The following CFDP1 variants were observed in gnomAD, a reference collection of about 807,000 sequenced individuals.
The protein encoded by CFDP1 is chromatin remodeling protein CFDP1.
In CFDP1, 31 loss-of-function variants were observed where a neutral mutation model predicts 40.1. The ratio of observed to expected loss-of-function variants is 0.77; its 90% confidence interval spans 0.58 to 1.04. The LOEUF (loss-of-function observed/expected upper bound fraction) is 1.04, where lower values mean the gene tolerates loss of function less well. CFDP1 is among the 50% of genes least tolerant of loss of function. The pLI, the probability that CFDP1 is intolerant of heterozygous loss-of-function variation, is 0.00. For missense variants in CFDP1, 423 were observed against 343.4 expected, an observed-to-expected ratio of 1.23 and a Z score of -1.83; for synonymous variants, 167 against 120.0, an observed-to-expected ratio of 1.39 and a Z score of -2.56.
intron 4 of CFDP1, among the ~76,000 whole-genome samples, chr16:75,400,122 G>GAAAAA (rs527926481): frequency 9.2e-5 from 13 of 141,908 alleles, no homozygotes; most frequent in African/African-American, 3.2e-4. Context: ...AAAAAAAAAG[G>GAAAAA]AAAAAAAAAA....
At chr16:75,422,453 G>C (rs186421773) in intron 1 of CFDP1, among the ~76,000 whole-genome samples, 1 of 146,348 alleles carries the variant, frequency 6.8e-6, no homozygotes, top group African/African-American at 2.6e-5. Context: ...AAGCTAGAGT[G>C]CAGTGGCATG....
chr16:75,394,001 G>C (rs1296102907), intron 5 of CFDP1, among the ~76,000 whole-genome samples: 2 of 152,038 alleles, frequency 1.3e-5, no homozygotes, highest in African/African-American at 4.8e-5. Flanking sequence ...CTTGCAGTGA[G>C]CCGAGATTGC....
At chr16:75,316,712 G>C (rs1205387513) in intron 5 of CFDP1, among the ~76,000 whole-genome samples, 1 of 151,992 alleles carries the variant, frequency 6.6e-6, no homozygotes, top group African/African-American at 2.4e-5. Flanking sequence ...GCTCACGCCT[G>C]TAATCCTAGC....
At chr16:75,383,057 G>C (rs964471945) in intron 5 of CFDP1, among the ~76,000 whole-genome samples, 1 of 152,204 alleles carries the variant, frequency 6.6e-6, no homozygotes, top group Non-Finnish European at 1.5e-5. Context: ...TAGGTCTAAA[G>C]ATGAATGTTT....
At position 75,412,521 on chromosome 16, in the gene CFDP1, A is replaced by G; in HGVS notation, c.402+14T>C. 2 of 1,601,614 alleles carry G rather than the reference A, an allele frequency of 1.2e-6. No homozygotes were observed. The highest frequency in any genetic ancestry group is 1.7e-6 in the Non-Finnish European group (2 of 1,168,584). ...TTCTGGAGAGGCATTCACCTCACTA[A>G]TGTCTCAACTTACCTTAACTTGTGT... On this transcript the variant is annotated intron_variant, in intron 3 of 6. Transcript: ENST00000283882.
At chr16:75,336,438 G>A (rs764609461) in intron 5 of CFDP1, among the ~76,000 whole-genome samples, 24 of 152,222 alleles carry the variant, frequency 1.6e-4, no homozygotes, top group Non-Finnish European at 2.6e-4. Context: ...AACGGGCAGT[G>A]ATCCTGAGCA....
At chr16:75,382,517 C>G (rs1285420877) in intron 5 of CFDP1, among the ~76,000 whole-genome samples, 1 of 152,178 alleles carries the variant, frequency 6.6e-6, no homozygotes, top group Non-Finnish European at 1.5e-5. Context: ...GCTGGTTTCA[C>G]CACCTCAAGA....
chr16:75,303,404 T>TAA (rs1567639342), intron 6 of CFDP1, among the ~76,000 whole-genome samples: 682 of 41,444 alleles, frequency 0.016, 3 homozygotes, highest in African/African-American at 0.032. Context: ...TAAATAAATG[T>TAA]ATGTATGTAT....
At chr16:75,360,129 C>T (rs576843693) in intron 5 of CFDP1, among the ~76,000 whole-genome samples, 1 of 152,132 alleles carries the variant, frequency 6.6e-6, no homozygotes, top group Non-Finnish European at 1.5e-5. Flanking sequence ...TGGCCTCAAG[C>T]AATCCTCCCA....
intron 5 of CFDP1, among the ~76,000 whole-genome samples, chr16:75,371,670 C>A (rs940868470): frequency 6.6e-5 from 10 of 152,132 alleles, no homozygotes; most frequent in African/African-American, 2.2e-4. Flanking sequence ...TTTCTGAGAA[C>A]CTCTCAAGTG....
At chr16:75,390,219 T>C (rs1348496441) in intron 5 of CFDP1, among the ~76,000 whole-genome samples, 1 of 152,198 alleles carries the variant, frequency 6.6e-6, no homozygotes, top group Non-Finnish European at 1.5e-5. Flanking sequence ...CTTTCCCACA[T>C]GGCTCTCTGC....
chr16:75,390,332 C>T (rs1044034232), intron 5 of CFDP1, among the ~76,000 whole-genome samples: 3 of 152,210 alleles, frequency 2.0e-5, no homozygotes, highest in East Asian at 1.9e-4. Context: ...TTGAAATTGG[C>T]CCCTGCCCTT....
At chr16:75,413,554 A>G (rs1359036594) in intron 2 of CFDP1, among the ~76,000 whole-genome samples, 81 of 2,924 alleles carry the variant, frequency 0.028, no homozygotes, top group East Asian at 0.22. Flanking sequence ...CTCTGTCTCA[A>G]AAAAAAAAAA....
intron 5 of CFDP1, among the ~76,000 whole-genome samples, chr16:75,386,107 G>C (rs931563480): frequency 9.9e-5 from 15 of 152,080 alleles, no homozygotes; most frequent in African/African-American, 3.4e-4. Flanking sequence ...TGCATGTTCT[G>C]CACATGTATC....
intron 5 of CFDP1, among the ~76,000 whole-genome samples, chr16:75,356,349 T>G (rs939664735): frequency 6.6e-6 from 1 of 152,214 alleles, no homozygotes; most frequent in Non-Finnish European, 1.5e-5. Context: ...TTAATCTTCT[T>G]GTACACATCC....
At chr16:75,380,498 A>G (rs1010278583) in intron 5 of CFDP1, among the ~76,000 whole-genome samples, 2 of 152,080 alleles carry the variant, frequency 1.3e-5, no homozygotes, top group Non-Finnish European at 1.5e-5. Context: ...GCAGTAGAGA[A>G]CTAGAACTAA....
chr16:75,379,018 C>A (rs776358224), intron 5 of CFDP1, among the ~76,000 whole-genome samples: 6 of 151,694 alleles, frequency 4.0e-5, no homozygotes, highest in African/African-American at 1.5e-4. Context: ...AAGAAAGTCT[C>A]AAGGGAATTA....
At chr16:75,354,327 CA>C (rs1033388318) in intron 5 of CFDP1, among the ~76,000 whole-genome samples, 6 of 152,148 alleles carry the variant, frequency 3.9e-5, no homozygotes, top group Middle Eastern at 6.3e-3. Context: ...GAGTGCCTGC[CA>C]CATACCCGCA....
At chr16:75,397,479 C>T (rs2079005913) in intron 4 of CFDP1, among the ~76,000 whole-genome samples, 1 of 151,754 alleles carries the variant, frequency 6.6e-6, no homozygotes, top group African/African-American at 2.4e-5. Context: ...GCACTCCAGC[C>T]CTGACAACAG....
Sources: allele counts gnomAD v4.1 joint callset (sites outside exome capture counted in the v4.1 genomes callset), GRCh38; gene constraint gnomAD v4.1.1; transcripts MANE v1.5; gene names NCBI Gene and HGNC (gene_info 2026-07-23, HGNC 2026-07-21).